The following SYCP2L variants were observed in gnomAD, a reference collection of about 807,000 sequenced individuals.
SYCP2L encodes synaptonemal complex protein 2-like.
SYCP2L carries 98 observed loss-of-function variants against 125.8 expected under a neutral mutation model. That is an observed-to-expected ratio of 0.78 (90% CI 0.66 to 0.92). The LOEUF (loss-of-function observed/expected upper bound fraction) is 0.92. Ranked by LOEUF, SYCP2L falls within the 40% of genes least tolerant of loss-of-function variation. The pLI is 0.00. For missense variants in SYCP2L, 842 were observed against 936.4 expected, an observed-to-expected ratio of 0.90 and a Z score of 1.32; for synonymous variants, 317 against 325.4, an observed-to-expected ratio of 0.97 and a Z score of 0.28.
At chr6:10,923,688 T>TCTTTTTC (rs200179284) in intron 14 of SYCP2L, among the ~76,000 whole-genome samples, 1 of 134,144 alleles carries the variant, frequency 7.5e-6, no homozygotes, top group African/African-American at 2.9e-5. Context: ...TTTTTCTTTT[T>TCTTTTTC]TTTTTTTTTT....
intron 20 of SYCP2L, among the ~76,000 whole-genome samples, chr6:10,934,637 A>C (rs1371363908): frequency 6.6e-6 from 1 of 152,222 alleles, no homozygotes; most frequent in Non-Finnish European, 1.5e-5. Context: ...TTGAGATCAC[A>C]CTACTGCACT....
chr6:10,961,319 A>G lies in SYCP2L; in HGVS notation c.2270A>G (p.Glu757Gly). The G allele has an allele frequency of 6.2e-7, 1 of 1,614,116 alleles. No individual in the cohort carries two copies. The highest frequency in any genetic ancestry group is 1.1e-5 in the South Asian group (1 of 91,080). Residue 757 changes from glutamate to glycine, a missense_variant, in exon 27 of 30, where the codon GAG becomes GGG. Coordinates refer to ENST00000283141, the MANE Select transcript of SYCP2L (RefSeq NM_001040274.3). ...QMQLFRLNKL[E>G]RFQNLVLQEL... is the part of the protein sequence containing the mutation. ...ATGTTTATTAGACTCAATAAACTAG[A>G]GCGCTTTCAAAATTTGGTTCTTCAA...
chr6:10,890,341 TC>T (rs1780152312), intron 1 of SYCP2L, among the ~76,000 whole-genome samples: 1 of 152,254 alleles, frequency 6.6e-6, no homozygotes, highest in Admixed American at 6.5e-5. Context: ...TTCCTCTTTT[TC>T]CATATCCTTG....
rs4713039 is a variant in SYCP2L, at chr6:10,906,023, A to G, written c.645A>G (p.Lys215=). ...GTGATTTATCTAAATGTTTCAGGAA[A>G]GACCTTGCAAGGACACTCTTGACTG... ...PLSEGMCHLM[K]DLARTLLTVG... Residue 215 remains lysine (K), a synonymous_variant, in exon 9 of 30, where the codon AAA becomes AAG. Transcript: ENST00000283141. 0.19 allele frequency: 304,103 copies of G among 1,586,212 alleles called. 32,484 individuals are homozygous for G. The highest frequency in any genetic ancestry group is 0.41 in the East Asian group (18,027 of 44,378).
At chr6:10,925,358 T>C (rs762994900) in intron 15 of SYCP2L, among the ~76,000 whole-genome samples, 1 of 152,120 alleles carries the variant, frequency 6.6e-6, no homozygotes, top group Non-Finnish European at 1.5e-5. Flanking sequence ...AGGGAGTCAT[T>C]AGGAATAAAG....
chr6:10,896,451 G>A (rs1055809676), intron 4 of SYCP2L, among the ~76,000 whole-genome samples: 7 of 152,142 alleles, frequency 4.6e-5, no homozygotes, highest in African/African-American at 1.7e-4. Flanking sequence ...CTGGGAGTGC[G>A]ATAGGCTTTG....
chr6:10,907,081 T>C (rs1327657377), intron 9 of SYCP2L, among the ~76,000 whole-genome samples: 1 of 152,086 alleles, frequency 6.6e-6, no homozygotes, highest in Non-Finnish European at 1.5e-5. Flanking sequence ...TGGTGGCTCA[T>C]GCCTACAATT....
At chr6:10,904,329 C>A (rs1350877522) in intron 8 of SYCP2L, among the ~76,000 whole-genome samples, 3 of 152,182 alleles carry the variant, frequency 2.0e-5, no homozygotes, top group Non-Finnish European at 4.4e-5. Context: ...GGAACCTGAA[C>A]CCACGACTGC....
chr6:10,921,651 G>A (rs1163147206), intron 14 of SYCP2L, among the ~76,000 whole-genome samples: 3 of 151,548 alleles, frequency 2.0e-5, no homozygotes, highest in Non-Finnish European at 4.4e-5. Flanking sequence ...TTTTTCATAC[G>A]TTTGTTGGCT....
intron 23 of SYCP2L, among the ~76,000 whole-genome samples, chr6:10,945,193 G>A (rs1455999467): frequency 3.3e-5 from 5 of 152,056 alleles, no homozygotes; most frequent in African/African-American, 7.2e-5. Flanking sequence ...TGAGATGTAC[G>A]TTATGGCTTA....
At chr6:10,944,283 A>G (rs1460780541) in intron 23 of SYCP2L, among the ~76,000 whole-genome samples, 1 of 152,168 alleles carries the variant, frequency 6.6e-6, no homozygotes, top group African/African-American at 2.4e-5. Context: ...AATTTAGCAT[A>G]ATTTTGTGTG....
chr6:10,920,183 A>G (rs1780769678), intron 14 of SYCP2L, among the ~76,000 whole-genome samples: 3 of 152,038 alleles, frequency 2.0e-5, no homozygotes, highest in Admixed American at 2.0e-4. Context: ...GGTTTGGTTC[A>G]ACGTTTGTTC....
At chr6:10,889,805 A>C (rs1420147770) in intron 1 of SYCP2L, among the ~76,000 whole-genome samples, 1 of 151,968 alleles carries the variant, frequency 6.6e-6, no homozygotes, top group Non-Finnish European at 1.5e-5. Context: ...TTTTTAGTAG[A>C]GACAGGGTTT....
At chr6:10,931,152 C>CA (rs1780990279) in intron 19 of SYCP2L, among the ~76,000 whole-genome samples, 1 of 152,218 alleles carries the variant, frequency 6.6e-6, no homozygotes, top group African/African-American at 2.4e-5. Context: ...GCTCAGGCGA[C>CA]AGAGTGAGAC....
In SYCP2L at chr6:10,903,194, G is replaced by A. The variant is rs565964160; in HGVS notation, c.641+231G>A. 9.8e-4 allele frequency among the ~76,000 whole-genome samples: 149 copies of A among 152,284 alleles called. 1 individual carries two copies. Among genetic ancestry groups the A allele is most frequent in the Non-Finnish European group, 1.9e-3 (129 of 68,024 alleles). On this transcript the variant is annotated intron_variant, in intron 8 of 29. Coordinates refer to ENST00000283141, the MANE Select transcript of SYCP2L (RefSeq NM_001040274.3). ...TCACGCCTGTAATCCCAGCACTTTG[G>A]GGGGCCAAGGCGGGCAGATCATGAG...
intron 9 of SYCP2L, among the ~76,000 whole-genome samples, chr6:10,906,800 T>C (rs1321231300): frequency 1.3e-5 from 2 of 151,910 alleles, no homozygotes; most frequent in South Asian, 2.1e-4. Flanking sequence ...GATTTCACCA[T>C]GTTGGCCAGG....
At chr6:10,931,392 C>T (rs1239550550) in intron 19 of SYCP2L, 48 bp from the exon 20 acceptor site, 1 of 1,591,132 alleles carries the variant, frequency 6.3e-7, no homozygotes, top group Non-Finnish European at 8.6e-7. Context: ...AATTTTTATG[C>T]CTCATGAGTT....
In SYCP2L at chr6:10,958,804, G is replaced by A. The variant is rs765988138; in HGVS notation, c.2184G>A (p.Pro728=). 7 of 1,613,382 alleles carry A rather than the reference G, an allele frequency of 4.3e-6. No homozygotes were observed. Among genetic ancestry groups the A allele is most frequent in the African/African-American group, 2.7e-5 (2 of 74,856 alleles). ...TTTAGCTTAGGTACAGAAAGCGTCC[G>A]TTTAATTCAGAAAATGCAAAGAAAG... ...RKYELRYRKR[P]FNSENAKKAP... is the part of the protein sequence containing the mutation. The change falls in exon 26 of 30, where the codon CCG becomes CCA. Residue 728 remains proline, a synonymous_variant. Coordinates refer to ENST00000283141, the MANE Select transcript of SYCP2L (RefSeq NM_001040274.3).
rs185879540 is a variant in SYCP2L at position 10,974,301 on chromosome 6, C to T, written c.*387C>T. 35 of 152,066 alleles carry T rather than the reference C, an allele frequency of 2.3e-4. No homozygotes were observed. In the East Asian group the frequency reaches 6.8e-3, roughly 30 times the overall value. 9.4% of individuals were successfully genotyped at this position (152,066 alleles called of 1,614,324 possible). A position where few individuals can be genotyped will look rare whatever the true frequency, so the allele number is the denominator to read the frequency against. ...TGTGAATAAAACACTTTAGCAGCAT[C>T]TGTATAAATACAATTGGATGTGTCT... On this transcript the variant is annotated 3_prime_UTR_variant, in exon 30 of 30. Transcript: ENST00000283141.
Sources: allele counts gnomAD v4.1 joint callset (sites outside exome capture counted in the v4.1 genomes callset), GRCh38; gene constraint gnomAD v4.1.1; transcripts MANE v1.5; gene names NCBI Gene and HGNC (gene_info 2026-07-23, HGNC 2026-07-21).